Variants in PKNOX2 observed in about 807,000 individuals in gnomAD.
The protein encoded by PKNOX2 is PBX/knotted 1 homeobox 2.
A neutral mutation model predicts 53.1 loss-of-function variants in PKNOX2; 14 were observed. The observed-to-expected ratio is 0.26, with a 90% confidence interval of 0.17 to 0.41. The LOEUF (loss-of-function observed/expected upper bound fraction) is 0.41. Among genes scored for constraint, PKNOX2 ranks in the 10% least tolerant of loss-of-function variants. PKNOX2 has a pLI of 1.00. For missense variants in PKNOX2, 496 were observed against 602.8 expected, an observed-to-expected ratio of 0.82 and a Z score of 1.85; for synonymous variants, 257 against 242.8, an observed-to-expected ratio of 1.06 and a Z score of -0.54.
At chr11:125,244,278 C>T (rs1298778982) in intron 2 of PKNOX2, among the ~76,000 whole-genome samples, 2 of 152,234 alleles carry the variant, frequency 1.3e-5, no homozygotes, top group Admixed American at 6.5e-5. Flanking sequence ...GGGTGTCTGG[C>T]CCTCAGCCAG....
chr11:125,170,485 G>A (rs139660250), intron 1 of PKNOX2, among the ~76,000 whole-genome samples: 54 of 152,240 alleles, frequency 3.5e-4, no homozygotes, highest in African/African-American at 1.1e-3. Context: ...TTTTCCTCCC[G>A]TCCAGAACCC....
rs1404476072 is a variant in PKNOX2, at chr11:125,333,764, T to C, written c.-23+1839T>C. On this transcript the variant is annotated intron_variant, in intron 3 of 12. Coordinates refer to ENST00000298282, the MANE Select transcript of PKNOX2 (RefSeq NM_001382323.2). ...TTAAATTCTTAGCTCTCTCGCTCTC[T>C]TTTTTTAAAATCGTTTTGCTTACAT... Among the ~76,000 whole-genome samples, 3 of 152,188 alleles carry C rather than the reference T, an allele frequency of 2.0e-5. No homozygotes were observed. In the East Asian group the frequency reaches 5.8e-4, roughly 29 times the overall value.
rs550261251 is a variant in PKNOX2, at chr11:125,220,179, C to G, written c.-200-14866C>G. 3.4e-4 allele frequency among the ~76,000 whole-genome samples: 52 copies of G among 152,102 alleles called. 2 individuals carry two copies. In the South Asian group the frequency reaches 0.011, roughly 31 times the overall value. ...AAAAGTGTGTATAAAAAGGGGAAAA[C>G]AAGAATCTATATTTGTATTTGCTTG... On this transcript the variant is annotated intron_variant, in intron 1 of 12. Coordinates refer to ENST00000298282, the MANE Select transcript of PKNOX2 (RefSeq NM_001382323.2).
At chr11:125,242,886 A>T (rs1031711718) in intron 2 of PKNOX2, among the ~76,000 whole-genome samples, 2 of 152,204 alleles carry the variant, frequency 1.3e-5, no homozygotes, top group Non-Finnish European at 2.9e-5. Flanking sequence ...TAGGTGCTCA[A>T]CAAATGCTCA....
intron 10 of PKNOX2, among the ~76,000 whole-genome samples, chr11:125,425,491 C>T (rs944186777): frequency 3.3e-5 from 5 of 152,070 alleles, no homozygotes; most frequent in African/African-American, 9.7e-5. Context: ...TCTTCCAAAT[C>T]CAGGGAGTTC....
intron 2 of PKNOX2, among the ~76,000 whole-genome samples, chr11:125,300,984 T>C (rs1948025076): frequency 2.0e-5 from 3 of 152,222 alleles, no homozygotes; most frequent in Admixed American, 6.5e-5. Context: ...TGTGTGGCCC[T>C]GGGCAAGTCT....
At chr11:125,392,968 G>A (rs1277466426) in intron 6 of PKNOX2, among the ~76,000 whole-genome samples, 1 of 151,806 alleles carries the variant, frequency 6.6e-6, no homozygotes, top group South Asian at 2.1e-4. Flanking sequence ...ACTATCCTGG[G>A]AAACACAGTG....
intron 10 of PKNOX2, among the ~76,000 whole-genome samples, chr11:125,427,393 G>T (rs968135066): frequency 4.6e-5 from 7 of 152,184 alleles, no homozygotes; most frequent in African/African-American, 1.4e-4. Context: ...GGTCCTGATG[G>T]CTTCATCTGG....
intron 1 of PKNOX2, among the ~76,000 whole-genome samples, chr11:125,216,494 G>A (rs991072575): frequency 2.6e-5 from 4 of 152,188 alleles, no homozygotes; most frequent in Admixed American, 6.5e-5. Context: ...GGGAGGCACC[G>A]AGGCTGAGAA....
At chr11:125,392,866 A>G (rs1254559506) in intron 6 of PKNOX2, among the ~76,000 whole-genome samples, 1 of 152,114 alleles carries the variant, frequency 6.6e-6, no homozygotes, top group Non-Finnish European at 1.5e-5. Flanking sequence ...TGTCTAGAAA[A>G]GAGAAAGTTT....
At chr11:125,293,379 T>C (rs1164501409) in intron 2 of PKNOX2, among the ~76,000 whole-genome samples, 1 of 152,202 alleles carries the variant, frequency 6.6e-6, no homozygotes, top group Non-Finnish European at 1.5e-5. Flanking sequence ...TACCTCTGAT[T>C]TCTTTTAGTG....
intron 1 of PKNOX2, among the ~76,000 whole-genome samples, chr11:125,189,423 G>GTGTGTATATATATA (rs1956677546): frequency 2.3e-5 from 1 of 44,352 alleles, no homozygotes; most frequent in Non-Finnish European, 4.2e-5. Context: ...ATGTGTGTGT[G>GTGTGTATATATATA]TGTGTGTGTG....
intron 2 of PKNOX2, among the ~76,000 whole-genome samples, chr11:125,321,033 T>C (rs1282199249): frequency 6.6e-6 from 1 of 152,220 alleles, no homozygotes; most frequent in African/African-American, 2.4e-5. Context: ...CAATTCTTTG[T>C]AGCAATTCAG....
intron 1 of PKNOX2, among the ~76,000 whole-genome samples, chr11:125,224,933 C>T (rs1941562143): frequency 6.6e-6 from 1 of 152,224 alleles, no homozygotes; most frequent in Admixed American, 6.5e-5. Context: ...AGGACTGTGG[C>T]AGGCTTGCTG....
intron 7 of PKNOX2, among the ~76,000 whole-genome samples, chr11:125,399,457 G>A (rs983595015): frequency 3.9e-5 from 6 of 152,180 alleles, no homozygotes; most frequent in Non-Finnish European, 7.3e-5. Flanking sequence ...GCGCAGTCCC[G>A]GTGATGGGAG....
chr11:125,252,298 A>G (rs2135682522), intron 2 of PKNOX2, among the ~76,000 whole-genome samples: 1 of 152,288 alleles, frequency 6.6e-6, no homozygotes, highest in Non-Finnish European at 1.5e-5. Context: ...GGCTGTGGGG[A>G]AAGCTGGGGC....
chr11:125,372,186 G>A (rs1041610227), intron 5 of PKNOX2, among the ~76,000 whole-genome samples: 7 of 152,136 alleles, frequency 4.6e-5, no homozygotes, highest in African/African-American at 7.2e-5. Flanking sequence ...AACGTCTCTC[G>A]AGGCGGGGAA....
intron 5 of PKNOX2, among the ~76,000 whole-genome samples, chr11:125,374,490 C>T (rs886380194): frequency 3.3e-5 from 5 of 152,204 alleles, no homozygotes; most frequent in African/African-American, 1.2e-4. Context: ...AAAGTGAAAC[C>T]ATGCTCAGAT....
At chr11:125,398,672 A>T (rs915672412) in intron 7 of PKNOX2, among the ~76,000 whole-genome samples, 2 of 151,472 alleles carry the variant, frequency 1.3e-5, no homozygotes, top group Non-Finnish European at 2.9e-5. Flanking sequence ...TGGGAAATGC[A>T]GAAATGCTGA....
Sources: gnomAD v4.1 joint callset for allele counts (sites outside exome capture counted in the v4.1 genomes callset) on GRCh38, gnomAD v4.1.1 for gene constraint, MANE v1.5 for transcripts, NCBI Gene and HGNC (gene_info 2026-07-23, HGNC 2026-07-21) for gene names.